The following LRIG1 variants were observed in gnomAD, a reference collection of about 807,000 sequenced individuals.
LRIG1 encodes leucine rich repeats and immunoglobulin like domains 1.
Under a neutral mutation model 99.2 loss-of-function variants are expected in LRIG1, and 48 were observed. The ratio of observed to expected loss-of-function variants is 0.48; its 90% CI spans 0.38 to 0.62. LRIG1 has a LOEUF of 0.62. LRIG1 is among the 20% of genes least tolerant of loss of function. LRIG1 has a pLI of 0.00. For synonymous variants in LRIG1, 772 were observed against 596.1 expected, an observed-to-expected ratio of 1.29 and a Z score of -4.30; for missense variants, 1,646 against 1,434.4, an observed-to-expected ratio of 1.15 and a Z score of -2.38.
chr3:66,405,222 G>C lies in LRIG1; in HGVS notation c.1136C>G (p.Ser379Ter). 1 of 1,614,192 alleles carries C rather than the reference G, an allele frequency of 6.2e-7. No individual in the cohort carries two copies. The stretch of plus-strand genomic sequence containing the variant: ...CAGCTTGCTGAGGCTGTCGAGCCCT[G>C]AGAAGGCGCCGCTCGTGTCCTCTAT... ...GTIEDTSGAF[S>*]GLDSLSKLTL... is the part of the protein sequence containing the mutation. Residue 379 changes from serine (S) to a stop codon, truncating the protein, a stop_gained, in exon 9 of 19, where the codon TCA becomes TGA. Coordinates refer to ENST00000273261, the MANE Select transcript of LRIG1 (RefSeq NM_015541.3). LOFTEE classifies it high-confidence loss of function.
chr3:66,500,464 C>T lies in LRIG1; in HGVS notation c.-57G>A, dbSNP rs1169069688. ...CGGGGACTGTGAGGACCCGAACGGCCGCAGACGCGGGCGGGCCCGCGGGGC... is the reference window on the plus strand; with the variant it reads ...CGGGGACTGTGAGGACCCGAACGGCTGCAGACGCGGGCGGGCCCGCGGGGC... On this transcript the variant is annotated 5_prime_UTR_variant, in exon 1 of 19. Coordinates refer to ENST00000273261, the MANE Select transcript of LRIG1 (RefSeq NM_015541.3). 2 of 1,110,240 alleles carry T rather than the reference C, an allele frequency of 1.8e-6. No homozygotes were observed. The highest frequency in any genetic ancestry group is 2.3e-6 in the Non-Finnish European group (2 of 853,158). The allele number at this position is 1,110,240 out of a possible 1,614,324, so 68.8% of individuals were successfully genotyped here.
intron 2 of LRIG1, among the ~76,000 whole-genome samples, chr3:66,456,311 G>C (rs1700219508): frequency 6.6e-6 from 1 of 152,178 alleles, no homozygotes; most frequent in African/African-American, 2.4e-5. Flanking sequence ...GACCAGGCAT[G>C]GTGGCTCACA....
intron 1 of LRIG1, among the ~76,000 whole-genome samples, chr3:66,470,728 T>C (rs1321871792): frequency 1.3e-5 from 2 of 152,148 alleles, no homozygotes; most frequent in African/African-American, 4.8e-5. Context: ...AACTAGATAA[T>C]CAAGAGGCCC....
At chr3:66,462,644 G>A (rs563415798) in intron 1 of LRIG1, 135 bp from the exon 2 acceptor site, 236 of 654,118 alleles carry the variant, frequency 3.6e-4, no homozygotes, top group South Asian at 2.3e-3. Flanking sequence ...TTAAGTAACC[G>A]TATTGATACT....
Position 66,380,471 on chromosome 3 carries a change from A to ACCGGGG in LRIG1, c.3073_3074insCCCCGG (p.Leu1025delinsSerProVal). On this transcript the variant is annotated protein_altering_variant, in exon 19 of 19. Coordinates refer to ENST00000273261, the MANE Select transcript of LRIG1 (RefSeq NM_015541.3). ...GGAGTCCGGGTGATACAACCTTGCT[A>ACCGGGG]AAGTCCAGGAAGAATCCCCTACAAG... The ACCGGGG allele has an allele frequency of 6.2e-7, 1 of 1,614,172 alleles. No individual in the cohort carries two copies. The highest frequency in any genetic ancestry group is 8.5e-7 in the Non-Finnish European group (1 of 1,180,024).
chr3:66,386,259 G>A lies in LRIG1; in HGVS notation c.1511C>T (p.Thr504Ile), dbSNP rs1411506527. 1 of 1,614,126 alleles carries A rather than the reference G, an allele frequency of 6.2e-7. No individual in the cohort carries two copies. Residue 504 changes from threonine (T) to isoleucine (I), a missense_variant, in exon 13 of 19, where the codon ACC becomes ATC. By Grantham distance (89) the Thr-to-Ile change is moderately conservative. Coordinates refer to ENST00000273261, the MANE Select transcript of LRIG1 (RefSeq NM_015541.3). Reference protein sequence around the residue: ...KPQIITQPETTMAMVGKDIRF... With the variant: ...KPQIITQPETIMAMVGKDIRF... ...GATGTCCTTGCCCACCATAGCCATG[G>A]TGGTTTCTGGCTGGGTGATGATCTG...
At chr3:66,468,252 C>T (rs1700519384) in intron 1 of LRIG1, among the ~76,000 whole-genome samples, 2 of 152,146 alleles carry the variant, frequency 1.3e-5, no homozygotes, top group East Asian at 1.9e-4. Context: ...AACCCCACTT[C>T]GTTAGACAAC....
chr3:66,383,490 A>T (rs773412840), intron 14 of LRIG1, 89 bp from the exon 15 acceptor site: 5 of 1,172,364 alleles, frequency 4.3e-6, no homozygotes, highest in Non-Finnish European at 6.0e-6. Flanking sequence ...ACAATCCAAC[A>T]TATCAATGAG....
chr3:66,386,341 G>C (rs934562070), intron 12 of LRIG1, 40 bp from the exon 13 acceptor site: 6 of 1,531,946 alleles, frequency 3.9e-6, no homozygotes, highest in South Asian at 3.5e-5. Flanking sequence ...CTGGGTTCTT[G>C]GTACACAGAG....
intron 4 of LRIG1, among the ~76,000 whole-genome samples, chr3:66,415,378 G>A (rs1255249313): frequency 1.3e-5 from 2 of 152,184 alleles, no homozygotes; most frequent in African/African-American, 2.4e-5. Flanking sequence ...CACCAGCCCT[G>A]CGTCAGGAGC....
chr3:66,472,766 G>A (rs4603899), intron 1 of LRIG1, among the ~76,000 whole-genome samples: 127,223 of 152,090 alleles, frequency 0.84, 55,200 homozygotes, highest in Non-Finnish European at 0.96. Flanking sequence ...CTCTGGGTGC[G>A]ACAGACACAG....
At chr3:66,405,664 G>T in intron 8 of LRIG1, 1 of 1,026,648 alleles carries the variant, frequency 9.7e-7, no homozygotes, top group Non-Finnish European at 1.2e-6. Flanking sequence ...ACCAACCAGA[G>T]TCCCTTTTCT....
At position 66,380,505 on chromosome 3, in the gene LRIG1, G is replaced by A. The variant is rs374621770; in HGVS notation, c.3056-16C>T. The A allele has an allele frequency of 3.3e-5, 54 of 1,613,802 alleles. No homozygotes were observed. The highest frequency in any genetic ancestry group is 6.7e-5 in the East Asian group (3 of 44,904). ...GAAGAATCCCCTACAAGGAAAGAACGAACCTGTCAGACCCCCACTTGACCG... is the reference window on the plus strand; with the variant it reads ...GAAGAATCCCCTACAAGGAAAGAACAAACCTGTCAGACCCCCACTTGACCG... On this transcript the variant is annotated splice_polypyrimidine_tract_variant and intron_variant, in intron 18 of 18. Coordinates refer to ENST00000273261, the MANE Select transcript of LRIG1 (RefSeq NM_015541.3).
At chr3:66,481,460 G>A (rs113726209) in intron 1 of LRIG1, among the ~76,000 whole-genome samples, 1 of 152,236 alleles carries the variant, frequency 6.6e-6, no homozygotes, top group Non-Finnish European at 1.5e-5. Context: ...TCCCTAGGGT[G>A]GGGGGAACCA....
At chr3:66,383,527 G>T (rs1701210806) in intron 14 of LRIG1, 126 bp from the exon 15 acceptor site, 2 of 873,606 alleles carry the variant, frequency 2.3e-6, no homozygotes, top group Non-Finnish European at 1.7e-6. Flanking sequence ...GTCTCAGAGT[G>T]GCAAGCTTTG....
chr3:66,458,084 C>G (rs933277889), intron 2 of LRIG1, among the ~76,000 whole-genome samples: 1 of 152,228 alleles, frequency 6.6e-6, no homozygotes, highest in African/African-American at 2.4e-5. Flanking sequence ...TTCTAAGTAT[C>G]TGTTTCCTCT....
chr3:66,428,771 T>C (rs1355328044), intron 3 of LRIG1, among the ~76,000 whole-genome samples: 1 of 152,240 alleles, frequency 6.6e-6, no homozygotes, highest in Non-Finnish European at 1.5e-5. Flanking sequence ...AATTGATCAT[T>C]TACTCAAAGA....
intron 3 of LRIG1, among the ~76,000 whole-genome samples, 154 bp downstream of exon 3, chr3:66,451,405 A>G (rs530582202): frequency 1.4e-3 from 214 of 152,206 alleles, no homozygotes; most frequent in Non-Finnish European, 2.8e-3. Flanking sequence ...CAGCAAGCAA[A>G]GCGTTTGTCA....
chr3:66,407,233 G>A (rs1702300495), intron 8 of LRIG1, 115 bp downstream of exon 8: 12 of 1,106,782 alleles, frequency 1.1e-5, no homozygotes, highest in Non-Finnish European at 1.6e-5. Flanking sequence ...AGCCAGCTTT[G>A]GATCCAATTC....
Sources: allele counts gnomAD v4.1 joint callset (sites outside exome capture counted in the v4.1 genomes callset), GRCh38; gene constraint gnomAD v4.1.1; transcripts MANE v1.5; gene names NCBI Gene and HGNC (gene_info 2026-07-23, HGNC 2026-07-21).